Variants in DDX19A observed in about 807,000 individuals in gnomAD.
DDX19A encodes ATP-dependent RNA helicase DDX19A.
Under a neutral mutation model 60.6 loss-of-function variants are expected in DDX19A, and 12 were observed. The ratio of observed to expected loss-of-function variants is 0.20; its 90% confidence interval spans 0.13 to 0.32. DDX19A has a LOEUF of 0.32. Among genes scored for constraint, DDX19A ranks in the 10% least tolerant of loss-of-function variants. The pLI, the probability that DDX19A is intolerant of heterozygous loss-of-function variation, is 1.00. For missense variants in DDX19A, 337 were observed against 600.6 expected (o/e 0.56, Z 4.59); for synonymous variants, 206 against 218.2 (o/e 0.94, Z 0.49).
rs567407454 is a variant in DDX19A at position 70,347,000 on chromosome 16, C to G, written c.9C>G (p.Thr3=). The G allele has an allele frequency of 6.2e-7, 1 of 1,612,698 alleles. No homozygotes were observed. The highest frequency in any genetic ancestry group is 1.7e-5 in the Admixed American group (1 of 59,862). MA[T]DSWALAVDEQ... ...CTCCCTTGTCCGGGACTATGGCCAC[C>G]GACTCGTGGGCCCTGGCGGTGGACG... is the stretch of plus-strand genomic sequence containing the variant. The change falls in exon 1 of 12, where the codon ACC becomes ACG. Residue 3 remains threonine, a synonymous_variant. Coordinates refer to ENST00000302243, the MANE Select transcript of DDX19A (RefSeq NM_018332.5).
chr16:70,354,560 A>G lies in DDX19A; in HGVS notation c.107-925A>G, dbSNP rs1964125983. 3.3e-5 allele frequency among the ~76,000 whole-genome samples: 5 copies of G among 152,324 alleles called. No homozygotes were observed. In the South Asian group the frequency reaches 1.0e-3, roughly 32 times the overall value. ...TCTGATAGGTAAAAAATGGTAGACT[A>G]TGTTTGCTAATAAGGCTGTATTTTA... On this transcript the variant is annotated intron_variant, in intron 2 of 11. Coordinates refer to ENST00000302243, the MANE Select transcript of DDX19A (RefSeq NM_018332.5).
Position 70,372,084 on chromosome 16 carries a change from G to A in DDX19A, c.*98G>A, listed in dbSNP as rs1040722641. On this transcript the variant is annotated 3_prime_UTR_variant, in exon 12 of 12. Transcript: ENST00000302243. ...GCCCCGACATCACCCCAAGGACAAC[G>A]GCAGAAGTAGAGAGAAACTACCTAC... The A allele has an allele frequency of 5.7e-6, 9 of 1,577,700 alleles. No individual in the cohort carries two copies. Among genetic ancestry groups the A allele is most frequent in the East Asian group, 4.5e-5 (2 of 44,706 alleles).
intron 5 of DDX19A, 126 bp downstream of exon 5, chr16:70,361,636 G>A (rs934515780): frequency 3.0e-5 from 20 of 667,788 alleles, no homozygotes; most frequent in Non-Finnish European, 4.6e-5. Flanking sequence ...ATACAGCTTA[G>A]GCAAGTGCAG....
intron 9 of DDX19A, among the ~76,000 whole-genome samples, chr16:70,368,350 G>A (rs1311035625): frequency 6.6e-6 from 1 of 151,552 alleles, no homozygotes; most frequent in Non-Finnish European, 1.5e-5. Context: ...TAGGCTCACT[G>A]CAACCTCCGC....
At chr16:70,369,180 T>TG (rs1369788461) in intron 9 of DDX19A, among the ~76,000 whole-genome samples, 1 of 135,196 alleles carries the variant, frequency 7.4e-6, no homozygotes, top group Admixed American at 7.3e-5. Context: ...CTGGTTTTTT[T>TG]TTTTTTTTTT....
intron 10 of DDX19A, 183 bp from the exon 11 acceptor site, chr16:70,371,189 C>T (rs1964676648): frequency 1.9e-6 from 2 of 1,058,598 alleles, no homozygotes; most frequent in East Asian, 5.2e-5. Flanking sequence ...TGCCAAAGTT[C>T]TCTTCTTTTC....
rs989321213 is a variant in DDX19A, at chr16:70,372,254, C to A, written c.*268C>A. On this transcript the variant is annotated 3_prime_UTR_variant, in exon 12 of 12. Transcript: ENST00000302243. ...CCCCATCTTTATAATAATCTGGTCACAGTGGTAGTCGCTGGCCCCAGGACC... is the reference window on the plus strand; with the variant it reads ...CCCCATCTTTATAATAATCTGGTCAAAGTGGTAGTCGCTGGCCCCAGGACC... 2 of 553,722 alleles carry A rather than the reference C, an allele frequency of 3.6e-6. No individual in the cohort carries two copies. Among genetic ancestry groups the A allele is most frequent in the African/African-American group, 3.8e-5 (2 of 52,728 alleles). The allele number at this position is 553,722 out of a possible 1,614,324, so 34.3% of individuals were successfully genotyped here.
intron 4 of DDX19A, among the ~76,000 whole-genome samples, chr16:70,358,962 A>G (rs903461849): frequency 1.3e-5 from 2 of 152,230 alleles, no homozygotes; most frequent in African/African-American, 4.8e-5. Context: ...GACATGTGGT[A>G]TGATTTCCTT....
chr16:70,368,983 CA>C, intron 9 of DDX19A, among the ~76,000 whole-genome samples: 1 of 151,846 alleles, frequency 6.6e-6, no homozygotes, highest in African/African-American at 2.4e-5. Flanking sequence ...TCTCCTGCCT[CA>C]GCCTTCCCGG....
intron 4 of DDX19A, among the ~76,000 whole-genome samples, chr16:70,359,162 G>A (rs912521141): frequency 6.6e-6 from 1 of 152,186 alleles, no homozygotes; most frequent in Admixed American, 6.6e-5. Context: ...GGTCTGCTTT[G>A]TACCTAAAAT....
chr16:70,360,766 ATTTAC>A (rs976437496), intron 4 of DDX19A: 4 of 152,244 alleles, frequency 2.6e-5, no homozygotes, highest in African/African-American at 9.7e-5. Context: ...TTCATTTATT[ATTTAC>A]TTTAGAGTCC....
At chr16:70,364,458 A>T (rs1567655282) in intron 5 of DDX19A, 85 bp from the exon 6 acceptor site, 2 of 1,043,738 alleles carry the variant, frequency 1.9e-6, no homozygotes, top group East Asian at 4.8e-5. Context: ...GAAGGGGGAA[A>T]TATGCCTTTC....
intron 1 of DDX19A, among the ~76,000 whole-genome samples, chr16:70,349,809 T>C (rs907891059): frequency 5.9e-5 from 9 of 152,202 alleles, no homozygotes; most frequent in African/African-American, 2.2e-4. Context: ...ATATCACAAA[T>C]ATAGGCCTAA....
chr16:70,348,183 T>G (rs1963899814), intron 1 of DDX19A, among the ~76,000 whole-genome samples: 1 of 151,946 alleles, frequency 6.6e-6, no homozygotes, highest in Non-Finnish European at 1.5e-5. Context: ...GTATAAGATA[T>G]GAAGGTAGAA....
In DDX19A at chr16:70,346,908, C is replaced by T. The variant is rs1363421697; in HGVS notation, c.-84C>T. The T allele has an allele frequency of 1.4e-6, 2 of 1,410,786 alleles. No individual in the cohort carries two copies. The highest frequency in any genetic ancestry group is 2.4e-5 in the East Asian group (1 of 40,866). The allele number at this position is 1,410,786 out of a possible 1,614,324, so 87.4% of individuals were successfully genotyped here. On this transcript the variant is annotated 5_prime_UTR_variant, in exon 1 of 12. Coordinates refer to ENST00000302243, the MANE Select transcript of DDX19A (RefSeq NM_018332.5). ...GCTTCCGGTCCGCGTGAGGTGCATT[C>T]TCGCGCCGGTGGCGAGGTTAGGGCC...
chr16:70,352,252 T>C (rs1597522337), intron 2 of DDX19A, among the ~76,000 whole-genome samples: 2 of 151,952 alleles, frequency 1.3e-5, no homozygotes, highest in South Asian at 4.1e-4. Flanking sequence ...TGGCAAACTT[T>C]CCATATCAAT....
rs1483322875 is a variant in DDX19A at position 70,347,020 on chromosome 16, T to C, written c.29T>C (p.Val10Ala). The C allele has an allele frequency of 1.2e-6, 2 of 1,612,650 alleles. No homozygotes were observed. The highest frequency in any genetic ancestry group is 1.7e-6 in the Non-Finnish European group (2 of 1,179,790). The change falls in exon 1 of 12, where the codon GTG (valine) becomes GCG (alanine). Residue 10 changes from valine (V) to alanine (A), a missense_variant. Transcript: ENST00000302243. ...GCCACCGACTCGTGGGCCCTGGCGG[T>C]GGACGAGCAGGAAGCGGCTGTCAAG... MATDSWALA[V>A]DEQEAAVKSM...
At chr16:70,366,491 G>A (rs1964523548) in intron 8 of DDX19A, 133 bp from the exon 9 acceptor site, 3 of 1,340,496 alleles carry the variant, frequency 2.2e-6, no homozygotes, top group South Asian at 2.7e-5. Flanking sequence ...TCCCAGGCCT[G>A]CTGCTCCTCC....
At chr16:70,364,367 C>T (rs1379348367) in intron 5 of DDX19A, 176 bp from the exon 6 acceptor site, 3 of 587,322 alleles carry the variant, frequency 5.1e-6, no homozygotes, top group Non-Finnish European at 9.2e-6. Flanking sequence ...ACAATTTAAG[C>T]AGCTTTTTAA....
Sources: allele counts gnomAD v4.1 joint callset (sites outside exome capture counted in the v4.1 genomes callset), GRCh38; gene constraint gnomAD v4.1.1; transcripts MANE v1.5; gene names NCBI Gene and HGNC (gene_info 2026-07-23, HGNC 2026-07-21).